Variants in CEACAM3 observed in about 807,000 individuals in gnomAD.
The protein encoded by CEACAM3 is cell adhesion molecule CEACAM3.
In CEACAM3, 32 loss-of-function variants were observed where a neutral mutation model predicts 30.1. The ratio of observed to expected loss-of-function variants is 1.06; its 90% CI spans 0.80 to 1.43. CEACAM3 has a LOEUF of 1.43. CEACAM3 is among the 40% of genes most tolerant of loss of function. CEACAM3 has a pLI of 0.00. For synonymous variants in CEACAM3, 134 were observed against 127.2 expected, an observed-to-expected ratio of 1.05 and a Z score of -0.36; for missense variants, 290 against 316.3, an observed-to-expected ratio of 0.92 and a Z score of 0.63.
intron 6 of CEACAM3, 111 bp from the exon 7 acceptor site, chr19:41,811,061 C>G: frequency 7.5e-7 from 1 of 1,329,528 alleles, no homozygotes; most frequent in South Asian, 1.2e-5. Context: ...ACCCCCTGAG[C>G]ACAGCCAGGT....
intron 6 of CEACAM3, 51 bp downstream of exon 6, chr19:41,810,948 G>A: frequency 6.6e-7 from 1 of 1,516,502 alleles, no homozygotes; most frequent in South Asian, 1.1e-5. Flanking sequence ...GGGGACCCAG[G>A]ATCTTCCCCT....
chr19:41,801,847 G>A (rs2073151018), intron 2 of CEACAM3, among the ~76,000 whole-genome samples: 1 of 152,124 alleles, frequency 6.6e-6, no homozygotes, highest in East Asian at 1.9e-4. Flanking sequence ...TTATCTATGG[G>A]AGCAATTAGG....
chr19:41,806,419 T>G (rs1454474670), intron 2 of CEACAM3, among the ~76,000 whole-genome samples: 1 of 152,120 alleles, frequency 6.6e-6, no homozygotes, highest in East Asian at 1.9e-4. Context: ...TTCTGAGACC[T>G]CAGCACCAGC....
chr19:41,806,611 C>T (rs533523298), intron 2 of CEACAM3, among the ~76,000 whole-genome samples: 46 of 152,282 alleles, frequency 3.0e-4, no homozygotes, highest in African/African-American at 9.6e-4. Flanking sequence ...GTCTCTGAGC[C>T]CTCAGACGGT....
At chr19:41,808,434 A>G (rs2073220922) in intron 2 of CEACAM3, among the ~76,000 whole-genome samples, 1 of 152,166 alleles carries the variant, frequency 6.6e-6, no homozygotes, top group Non-Finnish European at 1.5e-5. Flanking sequence ...AAAACAGTCA[A>G]TGAACATCAT....
intron 2 of CEACAM3, among the ~76,000 whole-genome samples, chr19:41,803,712 C>CA (rs2073174753): frequency 2.2e-5 from 1 of 45,472 alleles, no homozygotes; most frequent in African/African-American, 3.5e-5. Flanking sequence ...ATGATCTGCC[C>CA]GCCTTGGCCT....
intron 2 of CEACAM3, among the ~76,000 whole-genome samples, chr19:41,802,423 C>G (rs2073158108): frequency 6.6e-6 from 1 of 152,220 alleles, no homozygotes; most frequent in Non-Finnish European, 1.5e-5. Context: ...ATTGGAGAGA[C>G]CGACAGGCAA....
At chr19:41,797,436 A>G (rs2073110418) in intron 1 of CEACAM3, among the ~76,000 whole-genome samples, 153 bp from the exon 2 acceptor site, 2 of 152,188 alleles carry the variant, frequency 1.3e-5, no homozygotes, top group South Asian at 2.1e-4. Context: ...GAGGTGCTGA[A>G]GAAAGAAAGG....
At chr19:41,803,716 T>TCC (rs2073174880) in intron 2 of CEACAM3, among the ~76,000 whole-genome samples, 1 of 45,690 alleles carries the variant, frequency 2.2e-5, no homozygotes, top group Non-Finnish European at 1.0e-4. Context: ...TCTGCCCGCC[T>TCC]TGGCCTCCAA....
chr19:41,800,584 C>T (rs895268391), intron 2 of CEACAM3, among the ~76,000 whole-genome samples: 2 of 152,176 alleles, frequency 1.3e-5, no homozygotes, highest in South Asian at 2.1e-4. Flanking sequence ...CCATCCTGTA[C>T]GCCTGGCTCT....
At chr19:41,798,868 A>T (rs913358924) in intron 2 of CEACAM3, among the ~76,000 whole-genome samples, 8 of 152,122 alleles carry the variant, frequency 5.3e-5, no homozygotes, top group African/African-American at 1.7e-4. Flanking sequence ...GAAAAAAAAA[A>T]TTGAGGAACA....
rs1374275453 is a variant in CEACAM3 at position 41,802,485 on chromosome 19, C to A, written c.424+4537C>A. Among the ~76,000 whole-genome samples, 3 of 152,178 alleles carry A rather than the reference C, an allele frequency of 2.0e-5. No homozygotes were observed. In the East Asian group the frequency reaches 5.8e-4, roughly 29 times the overall value. ...CAGAAGCCCAGGGACAGAAACCCTG[C>A]AGAACCAGCGCTGGGGTCAGAAATC... On this transcript the variant is annotated intron_variant, in intron 2 of 6. Coordinates refer to ENST00000357396, the MANE Select transcript of CEACAM3 (RefSeq NM_001815.5).
rs201150111 is a variant in CEACAM3 at position 41,810,925 on chromosome 19, C to T, written c.693+28C>T. 3.6e-5 allele frequency: 57 copies of T among 1,596,948 alleles called. No homozygotes were observed. The African/African-American group carries it at 5.4e-4, about 15-fold the overall frequency. On this transcript the variant is annotated intron_variant, in intron 6 of 6. Transcript: ENST00000357396. ...GAGTGTGGGCCACGGATGTTCTGGT[C>T]CCACAGGCCCCAGGGGACCCAGGAT...
chr19:41,807,376 G>A (rs1480097236), intron 2 of CEACAM3: 15 of 1,601,796 alleles, frequency 9.4e-6, no homozygotes, highest in African/African-American at 8.0e-5. Context: ...ACCCAGTCAC[G>A]CTGAATGTCC....
At chr19:41,797,362 A>G in intron 1 of CEACAM3, 1 of 553,500 alleles carries the variant, frequency 1.8e-6, no homozygotes, top group Non-Finnish European at 3.2e-6. Flanking sequence ...ATCTGAGGGC[A>G]GTGGGGAGGG....
rs782152028 is a variant in CEACAM3, at chr19:41,810,063, G to A, written c.595+46G>A. 3 of 1,571,308 alleles carry A rather than the reference G, an allele frequency of 1.9e-6. No homozygotes were observed. The Admixed American group carries it at 5.1e-5, about 27-fold the overall frequency. ...GGTGTGGCTGGGAACCCCTAGGACA[G>A]CCCCACAGTGTCCGCTCCTGCCAGT... On this transcript the variant is annotated intron_variant, in intron 4 of 6. Coordinates refer to ENST00000357396, the MANE Select transcript of CEACAM3 (RefSeq NM_001815.5).
At chr19:41,800,432 G>A (rs1185332077) in intron 2 of CEACAM3, among the ~76,000 whole-genome samples, 2 of 152,090 alleles carry the variant, frequency 1.3e-5, no homozygotes, top group African/African-American at 2.4e-5. Flanking sequence ...CTTTCCCCGG[G>A]AGAGTTTAGA....
chr19:41,807,059 G>A, intron 2 of CEACAM3: 1 of 1,607,296 alleles, frequency 6.2e-7, no homozygotes. Flanking sequence ...ATATGCCTGT[G>A]GAGGAATCAC....
At chr19:41,802,901 C>T (rs1482416318) in intron 2 of CEACAM3, among the ~76,000 whole-genome samples, 1 of 152,154 alleles carries the variant, frequency 6.6e-6, no homozygotes, top group Non-Finnish European at 1.5e-5. Context: ...CAGAGAGTCA[C>T]TTATGAAGTT....
Sources: gnomAD v4.1 joint callset for allele counts (sites outside exome capture counted in the v4.1 genomes callset) on GRCh38, gnomAD v4.1.1 for gene constraint, MANE v1.5 for transcripts, NCBI Gene and HGNC (gene_info 2026-07-23, HGNC 2026-07-21) for gene names.